NOTCH2: variants seen among roughly 807,000 people sequenced by gnomAD.
NOTCH2 encodes notch receptor 2.
Under a neutral mutation model 235.8 loss-of-function variants are expected in NOTCH2, and 29 were observed. That is an observed-to-expected ratio of 0.12 (90% confidence interval 0.09 to 0.17). The LOEUF (loss-of-function observed/expected upper bound fraction) is 0.17, where lower values mean the gene tolerates loss of function less well. Ranked by LOEUF, NOTCH2 falls within the 10% of genes least tolerant of loss-of-function variation. The pLI is 1.00. For synonymous variants in NOTCH2, 1,086 were observed against 1,141.5 expected (o/e 0.95, Z 0.98); for missense variants, 2,285 against 3,150.2 (o/e 0.73, Z 6.57).
intron 3 of NOTCH2, among the ~76,000 whole-genome samples, chr1:119,999,821 G>T (rs1333590314): frequency 6.6e-6 from 1 of 151,634 alleles, no homozygotes; most frequent in African/African-American, 2.4e-5. Flanking sequence ...GGTGGAGGTT[G>T]CAGTGAGCCG....
At chr1:119,927,278 T>C (rs953102901) in intron 23 of NOTCH2, among the ~76,000 whole-genome samples, 1 of 152,204 alleles carries the variant, frequency 6.6e-6, no homozygotes, top group Non-Finnish European at 1.5e-5. Flanking sequence ...CAGCAGGAGA[T>C]AGGCCCCATT....
At chr1:119,967,059 T>C (rs1483883628) in intron 8 of NOTCH2, among the ~76,000 whole-genome samples, 1 of 152,222 alleles carries the variant, frequency 6.6e-6, no homozygotes, top group Non-Finnish European at 1.5e-5. Context: ...AAACTTCCTA[T>C]ATAATTGTGG....
chr1:119,919,753 T>G, intron 30 of NOTCH2, 140 bp from the exon 31 acceptor site: 3 of 818,020 alleles, frequency 3.7e-6, no homozygotes, highest in Non-Finnish European at 6.0e-6. Flanking sequence ...GTTATTAGTT[T>G]CACATTTGCC....
At chr1:119,973,610 G>T (rs1651453366) in intron 5 of NOTCH2, among the ~76,000 whole-genome samples, 1 of 152,086 alleles carries the variant, frequency 6.6e-6, no homozygotes, top group Non-Finnish European at 1.5e-5. Context: ...AGATGAGGTC[G>T]CTGATCCCAG....
intron 3 of NOTCH2, among the ~76,000 whole-genome samples, chr1:120,004,734 A>C (rs1557842689): frequency 6.6e-6 from 1 of 152,180 alleles, no homozygotes; most frequent in African/African-American, 2.4e-5. Flanking sequence ...CAGTGTACTT[A>C]TTTCTTTTAG....
chr1:119,943,704 T>C (rs1650150033), intron 17 of NOTCH2, among the ~76,000 whole-genome samples: 1 of 152,082 alleles, frequency 6.6e-6, no homozygotes, highest in African/African-American at 2.4e-5. Context: ...AGGAAATACA[T>C]TCAAAATGAG....
At chr1:119,969,487 T>G (rs781899500) in intron 6 of NOTCH2, 24 bp downstream of exon 6, 3 of 1,606,970 alleles carry the variant, frequency 1.9e-6, no homozygotes, top group South Asian at 1.1e-5. Flanking sequence ...TCCCTGTTTC[T>G]AGATCCGTCC....
At chr1:119,959,212 T>C (rs907183152) in intron 12 of NOTCH2, among the ~76,000 whole-genome samples, 180 bp downstream of exon 12, 10 of 152,220 alleles carry the variant, frequency 6.6e-5, no homozygotes, top group African/African-American at 2.4e-4. Context: ...ATGAAAAGTA[T>C]GTTTCAGTTT....
At position 119,916,627 on chromosome 1, in the gene NOTCH2, T is replaced by C. The variant is rs1649085298; in HGVS notation, c.6095A>G (p.His2032Arg). The change falls in exon 34 of 34, where the codon CAT (histidine) becomes CGT (arginine). Residue 2032 changes from histidine to arginine, a missense_variant. By Grantham distance (29) the His-to-Arg change is conservative. Transcript: ENST00000256646. Reference protein sequence around the residue: ...SYEAAKILLDHFANRDITDHM... With the variant: ...SYEAAKILLDRFANRDITDHM... ...GTCTGTGATGTCTCGATTGGCAAAA[T>C]GGTCTAACAGGATCTTGGCTGCTTC... 1 of 1,614,150 alleles carries C rather than the reference T, an allele frequency of 6.2e-7. No individual in the cohort carries two copies. The highest frequency in any genetic ancestry group is 8.5e-7 in the Non-Finnish European group (1 of 1,180,024).
chr1:119,922,491 C>T, intron 27 of NOTCH2, 45 bp from the exon 28 acceptor site: 2 of 1,594,456 alleles, frequency 1.3e-6, no homozygotes, highest in South Asian at 2.2e-5. Flanking sequence ...AAAACATTAA[C>T]CTCTCAATGT....
rs1434041427 is a variant in NOTCH2 at position 120,069,596 on chromosome 1, C to T, written c.-190G>A. 1.6e-5 allele frequency: 23 copies of T among 1,409,748 alleles called. No individual in the cohort carries two copies. In the East Asian group the frequency reaches 5.7e-4, roughly 35 times the overall value. The allele number at this position is 1,409,748 out of a possible 1,614,324, so 87.3% of individuals were successfully genotyped here. The stretch of plus-strand genomic sequence containing the variant: ...CCCGCGCCCCGAGTCCGCCGCTCCT[C>T]GGCCGCCGCCTCAGCCGCCGCCCGA... On this transcript the variant is annotated 5_prime_UTR_variant, in exon 1 of 34. Coordinates refer to ENST00000256646, the MANE Select transcript of NOTCH2 (RefSeq NM_024408.4).
At chr1:119,919,670 T>C (rs1353996924) in intron 30 of NOTCH2, 57 bp from the exon 31 acceptor site, 10 of 1,527,252 alleles carry the variant, frequency 6.5e-6, no homozygotes, top group African/African-American at 2.7e-5. Flanking sequence ...GTTAACCCTA[T>C]GGTTGAAACA....
At chr1:119,967,122 G>GT (rs1177602904) in intron 8 of NOTCH2, among the ~76,000 whole-genome samples, 2 of 152,156 alleles carry the variant, frequency 1.3e-5, no homozygotes, top group Admixed American at 1.3e-4. Context: ...TTACATGAAG[G>GT]TATCAGGAAA....
At chr1:119,934,449 G>A (rs1649777457) in intron 22 of NOTCH2, among the ~76,000 whole-genome samples, 1 of 152,108 alleles carries the variant, frequency 6.6e-6, no homozygotes, top group Admixed American at 6.6e-5. Flanking sequence ...ACAATGAACT[G>A]GAATTAATTT....
intron 24 of NOTCH2, 55 bp from the exon 25 acceptor site, chr1:119,925,865 G>T: frequency 6.3e-7 from 1 of 1,599,658 alleles, no homozygotes; most frequent in Non-Finnish European, 8.5e-7. Flanking sequence ...CAGTCATATT[G>T]GAAGTTTGAG....
At chr1:120,055,982 TC>T (rs1287352111) in intron 1 of NOTCH2, among the ~76,000 whole-genome samples, 1 of 104,224 alleles carries the variant, frequency 9.6e-6, no homozygotes, top group Non-Finnish European at 2.0e-5. Flanking sequence ...ACCTCTCCCA[TC>T]CCAACACCCT....
intron 4 of NOTCH2, chr1:119,994,581 T>C (rs1247478501): frequency 1.5e-5 from 2 of 136,584 alleles, no homozygotes; most frequent in African/African-American, 6.0e-5. Context: ...CATATTGATA[T>C]GTAACAAGTA....
intron 7 of NOTCH2, 67 bp downstream of exon 7, chr1:119,968,010 C>T: frequency 1.9e-6 from 3 of 1,581,276 alleles, no homozygotes; most frequent in Non-Finnish European, 8.7e-7. Context: ...GTAAAATGTG[C>T]TTCAGTTTAA....
rs1246007611 is a variant in NOTCH2, at chr1:119,967,346, A to G, written c.1453+87T>C. On this transcript the variant is annotated intron_variant, in intron 8 of 33. Coordinates refer to ENST00000256646, the MANE Select transcript of NOTCH2 (RefSeq NM_024408.4). ...ATCAAATGCTGACAGAGCTCATCAGACTGCAATAGTATACTGAATGCTCTA... is the reference window on the plus strand; with the variant it reads ...ATCAAATGCTGACAGAGCTCATCAGGCTGCAATAGTATACTGAATGCTCTA... 1.9e-5 allele frequency: 22 copies of G among 1,184,466 alleles called. No homozygotes were observed. The East Asian group carries it at 4.9e-4, about 26-fold the overall frequency. 73.4% of individuals were successfully genotyped at this position (1,184,466 alleles called of 1,614,324 possible).
Sources: gnomAD v4.1 joint callset for allele counts (sites outside exome capture counted in the v4.1 genomes callset) on GRCh38, gnomAD v4.1.1 for gene constraint, MANE v1.5 for transcripts, NCBI Gene and HGNC (gene_info 2026-07-23, HGNC 2026-07-21) for gene names.